GPR143: variants seen among roughly 807,000 people sequenced by gnomAD.
GPR143 encodes the protein G-protein coupled receptor 143.
GPR143 carries 8 observed loss-of-function variants against 27.6 expected under a neutral mutation model. The observed-to-expected ratio is 0.29, with a 90% CI of 0.17 to 0.52. GPR143 has a LOEUF of 0.52. Ranked by LOEUF, GPR143 falls within the 20% of genes least tolerant of loss-of-function variation. GPR143 has a pLI of 0.96. For missense variants in GPR143, 303 were observed against 343.1 expected, an observed-to-expected ratio of 0.88 and a Z score of 0.92; for synonymous variants, 156 against 153.2, an observed-to-expected ratio of 1.02 and a Z score of -0.13.
chrX:9,737,362 C>T (rs1224791310), intron 8 of GPR143, among the ~76,000 whole-genome samples: 4 of 111,871 alleles, frequency 3.6e-5, no homozygotes, highest in African/African-American at 1.3e-4. Flanking sequence ...TGTATCCATA[C>T]AACGAAATAT....
chrX:9,725,403 G>T lies in GPR143; in HGVS notation c.*343C>A. On this transcript the variant is annotated 3_prime_UTR_variant, in exon 9 of 9. Transcript: ENST00000467482. ...AAGTGTTAAGACAGAATCCAAGTCA[G>T]GCTGAGAGCTCAGTCATAACTATTT... 4.9e-6 allele frequency: 1 copy of T among 205,278 alleles called. No individual in the cohort carries two copies. Among genetic ancestry groups the T allele is most frequent in the Non-Finnish European group, 8.9e-6 (1 of 112,247 alleles). The allele number at this position is 205,278 out of a possible 1,213,427, so 16.9% of individuals were successfully genotyped here.
chrX:9,771,709 CTCTT>C (rs1376048907), intron 1 of GPR143, among the ~76,000 whole-genome samples: 27 of 92,817 alleles, frequency 2.9e-4, no homozygotes, highest in East Asian at 2.7e-3. Context: ...AGCATTCTCT[CTCTT>C]TTTTTTTTTT....
intron 7 of GPR143, among the ~76,000 whole-genome samples, chrX:9,739,967 G>A (rs764137296): frequency 8.3e-4 from 92 of 111,054 alleles, no homozygotes; most frequent in African/African-American, 2.9e-3. Context: ...GGGAGAGGAG[G>A]GGACGGGGAG....
Position 9,739,575 on chromosome X carries a change from G to A in GPR143, c.1030C>T (p.Pro344Ser), listed in dbSNP as rs1269264768. The A allele has an allele frequency of 8.3e-7, 1 of 1,210,201 alleles. No homozygotes were observed. The highest frequency in any genetic ancestry group is 3.0e-5 in the East Asian group (1 of 33,821). ...GCAGGGTTTTCATGGGGCATCAGTGGGGATGGGTGAGCCCCCTCAGCAGCC... is the reference window on the plus strand; with the variant it reads ...GCAGGGTTTTCATGGGGCATCAGTGAGGATGGGTGAGCCCCCTCAGCAGCC... ...TSAAEGAHPS[P>S]LMPHENPASG... The change falls in exon 8 of 9, where the codon CCA becomes TCA. Residue 344 changes from proline to serine, a missense_variant. Coordinates refer to ENST00000467482, the MANE Select transcript of GPR143 (RefSeq NM_000273.3).
At chrX:9,754,084 A>C (rs2083463702) in intron 3 of GPR143, among the ~76,000 whole-genome samples, 1 of 111,116 alleles carries the variant, frequency 9.0e-6, no homozygotes, top group Non-Finnish European at 1.9e-5. Flanking sequence ...GAGGTGGGGT[A>C]GGGGGCTGGA....
At chrX:9,735,548 T>C (rs1297834995) in intron 8 of GPR143, among the ~76,000 whole-genome samples, 1 of 108,662 alleles carries the variant, frequency 9.2e-6, no homozygotes, top group African/African-American at 3.5e-5. Flanking sequence ...CCTTTAACCC[T>C]TCACAGGTTT....
intron 6 of GPR143, 148 bp from the exon 7 acceptor site, chrX:9,741,603 AG>A (rs780590123): frequency 1.7e-3 from 769 of 441,139 alleles, no homozygotes; most frequent in Non-Finnish European, 2.6e-3. Flanking sequence ...AGAAACTAAG[AG>A]GGCCAGGTGC....
chrX:9,768,314 C>T (rs1437698623), upstream of GPR143, among the ~76,000 whole-genome samples: 3 of 111,931 alleles, frequency 2.7e-5, no homozygotes, highest in African/African-American at 9.7e-5. Flanking sequence ...ATTACTTGAG[C>T]CCAAGAGTTT....
At chrX:9,754,565 A>C (rs748415826) in intron 3 of GPR143, among the ~76,000 whole-genome samples, 1 of 111,770 alleles carries the variant, frequency 8.9e-6, no homozygotes, top group African/African-American at 3.3e-5. Context: ...TCCACAGCAG[A>C]TCAGGAGAAG....
At chrX:9,756,926 GCAGA>G (rs1242534597) in intron 3 of GPR143, among the ~76,000 whole-genome samples, 1 of 112,495 alleles carries the variant, frequency 8.9e-6, no homozygotes, top group Non-Finnish European at 1.9e-5. Context: ...ACAAACACTT[GCAGA>G]CAAATGTCAG....
At chrX:9,770,810 C>T (rs990048122), upstream of GPR143, among the ~76,000 whole-genome samples, 7 of 112,060 alleles carry the variant, frequency 6.2e-5, no homozygotes, top group African/African-American at 2.3e-4. Context: ...CAGATAGCTG[C>T]TCTTCCTGAG....
intron 1 of GPR143, among the ~76,000 whole-genome samples, chrX:9,778,437 CA>C (rs1459810549): frequency 3.3e-4 from 10 of 30,329 alleles, no homozygotes; most frequent in Non-Finnish European, 7.6e-4. Context: ...CGCTCATGCT[CA>C]GTTGGGGTCC....
At position 9,726,006 on chromosome X, in the gene GPR143, G is replaced by A. The variant is rs775513922; in HGVS notation, c.1121-166C>T. The A allele has an allele frequency of 2.9e-3, 1,417 of 482,142 alleles. 43 individuals are homozygous for A. In the African/African-American group the frequency reaches 0.05, roughly 17 times the overall value. 39.7% of individuals were successfully genotyped at this position (482,142 alleles called of 1,213,427 possible). On this transcript the variant is annotated intron_variant, in intron 8 of 8. Coordinates refer to ENST00000467482, the MANE Select transcript of GPR143 (RefSeq NM_000273.3). ...AAAAAAAAAAAAAAAAAAAAAAAAA[G>A]GTGGGAGGGGTGGAAATCTACATCA...
At chrX:9,771,705 CTCTCTCTTTT>C (rs960273855) in intron 1 of GPR143, among the ~76,000 whole-genome samples, 3 of 37,688 alleles carry the variant, frequency 8.0e-5, no homozygotes, top group African/African-American at 2.5e-4. Flanking sequence ...ATGGAGCATT[CTCTCTCTTTT>C]TTTTTTTTTT....
At chrX:9,726,324 A>C (rs1476155134) in intron 8 of GPR143, among the ~76,000 whole-genome samples, 2 of 111,313 alleles carry the variant, frequency 1.8e-5, no homozygotes, top group African/African-American at 3.3e-5. Flanking sequence ...GAGGGAGACC[A>C]CCGCTCTGTA....
chrX:9,736,193 T>C (rs1199756860), intron 8 of GPR143, among the ~76,000 whole-genome samples: 1 of 111,427 alleles, frequency 9.0e-6, no homozygotes, highest in Non-Finnish European at 1.9e-5. Context: ...GAAGGGATCC[T>C]AAAATTGTCC....
chrX:9,732,590 C>T lies in GPR143; in HGVS notation c.1121-6750G>A, dbSNP rs113959933. On this transcript the variant is annotated intron_variant, in intron 8 of 8. Coordinates refer to ENST00000467482, the MANE Select transcript of GPR143 (RefSeq NM_000273.3). Reference sequence around the variant, plus strand: ...AGAAAAATGGAGAATTGGCTGGGCACGGTGACTCACACCTATAATCCCAGC... The same window carrying T: ...AGAAAAATGGAGAATTGGCTGGGCATGGTGACTCACACCTATAATCCCAGC... Among the ~76,000 whole-genome samples the T allele has an allele frequency of 6.6e-3, 738 of 111,190 alleles. 9 individuals carry two copies. The highest frequency in any genetic ancestry group is 0.023 in the African/African-American group (694 of 30,613).
chrX:9,752,393 G>A (rs781462654), intron 3 of GPR143, among the ~76,000 whole-genome samples: 35 of 111,903 alleles, frequency 3.1e-4, no homozygotes, highest in African/African-American at 1.1e-3. Context: ...AGTTAGAGTG[G>A]ATAAACACTT....
intron 3 of GPR143, among the ~76,000 whole-genome samples, chrX:9,757,159 G>T (rs1287941784): frequency 2.7e-5 from 3 of 112,306 alleles, no homozygotes; most frequent in African/African-American, 9.7e-5. Context: ...CACAGCTCTG[G>T]AGGCTGGGAG....
Sources: allele counts gnomAD v4.1 joint callset (sites outside exome capture counted in the v4.1 genomes callset), GRCh38; gene constraint gnomAD v4.1.1; transcripts MANE v1.5; gene names NCBI Gene and HGNC (gene_info 2026-07-23, HGNC 2026-07-21).